OTOGL: variants seen among roughly 807,000 people sequenced by gnomAD.
OTOGL encodes the protein otogelin like.
Under a neutral mutation model 318.5 loss-of-function variants are expected in OTOGL, and 285 were observed. That is an observed-to-expected ratio of 0.89 (90% CI 0.81 to 0.99). The LOEUF (loss-of-function observed/expected upper bound fraction) is 0.99, where lower values mean the gene tolerates loss of function less well. Ranked by LOEUF, OTOGL falls within the 50% of genes least tolerant of loss-of-function variation. The pLI is 0.00. For missense variants in OTOGL, 2,899 were observed against 2,845.6 expected (o/e 1.02, Z -0.43); for synonymous variants, 987 against 936.5 (o/e 1.05, Z -0.99).
At chr12:80,358,573 A>C (rs1286772092) in intron 50 of OTOGL, 98 bp from the exon 51 acceptor site, 1 of 999,572 alleles carries the variant, frequency 1.0e-6, no homozygotes. Context: ...GGAAATATGA[A>C]TCCATGCATT....
At chr12:80,105,609 T>C (rs956777493) in intron 1 of OTOGL, among the ~76,000 whole-genome samples, 2 of 152,208 alleles carry the variant, frequency 1.3e-5, no homozygotes, top group South Asian at 2.1e-4. Context: ...TAGCCCAGTC[T>C]ATATAAATGT....
chr12:80,168,457 A>G (rs1873973650), intron 1 of OTOGL, among the ~76,000 whole-genome samples: 1 of 152,194 alleles, frequency 6.6e-6, no homozygotes, highest in Non-Finnish European at 1.5e-5. Flanking sequence ...GGGGGATCAC[A>G]GAATAACCAT....
chr12:80,367,878 A>G lies in OTOGL; in HGVS notation c.6510+139A>G, dbSNP rs77941364. On this transcript the variant is annotated intron_variant, in intron 54 of 58. Coordinates refer to ENST00000547103, the MANE Select transcript of OTOGL (RefSeq NM_001378609.3). The stretch of plus-strand genomic sequence containing the variant: ...CTTCAATAGTCTACTATTTTGTAAT[A>G]TATCAATAAAACACAGACTTTCACT... 916 of 635,288 alleles carry G rather than the reference A, an allele frequency of 1.4e-3. 6 individuals carry two copies. The African/African-American group carries it at 0.016, about 11-fold the overall frequency. The allele number at this position is 635,288 out of a possible 1,614,324, so 39.4% of individuals were successfully genotyped here.
chr12:80,210,844 C>A lies in OTOGL; in HGVS notation c.80-3C>A, dbSNP rs1877192552. 6.9e-6 allele frequency: 10 copies of A among 1,454,228 alleles called. No individual in the cohort carries two copies. The highest frequency in any genetic ancestry group is 8.2e-6 in the Non-Finnish European group (9 of 1,093,926). The allele number at this position is 1,454,228 out of a possible 1,614,324, so 90.1% of individuals were successfully genotyped here. ...TTCATTCTTATATATTTGTCTCTGGCAGAATATATTTGTGCATCGTCTATA... is the reference window on the plus strand; with the variant it reads ...TTCATTCTTATATATTTGTCTCTGGAAGAATATATTTGTGCATCGTCTATA... On this transcript the variant is annotated splice_polypyrimidine_tract_variant and splice_region_variant and intron_variant, in intron 2 of 58. Transcript: ENST00000547103.
intron 6 of OTOGL, among the ~76,000 whole-genome samples, chr12:80,220,254 A>C (rs920528752): frequency 6.6e-6 from 1 of 151,936 alleles, no homozygotes; most frequent in Admixed American, 6.6e-5. Context: ...CTGCCTCCCA[A>C]CCTCAAGCGA....
intron 1 of OTOGL, among the ~76,000 whole-genome samples, chr12:80,177,868 A>G (rs1243766858): frequency 1.3e-5 from 2 of 152,034 alleles, no homozygotes; most frequent in Non-Finnish European, 2.9e-5. Context: ...GTCTAGGGCT[A>G]ATTTTCTCCA....
intron 1 of OTOGL, among the ~76,000 whole-genome samples, chr12:80,107,016 T>G (rs1592456510): frequency 6.6e-6 from 1 of 152,156 alleles, no homozygotes; most frequent in Non-Finnish European, 1.5e-5. Flanking sequence ...TTATAAATTT[T>G]ATAGTAATTT....
intron 11 of OTOGL, among the ~76,000 whole-genome samples, chr12:80,242,040 ACCT>A (rs1034172050): frequency 3.3e-5 from 5 of 152,114 alleles, no homozygotes; most frequent in African/African-American, 9.7e-5. Flanking sequence ...ACATGGCCAC[ACCT>A]AGGTGCAAGA....
At chr12:80,370,245 G>A (rs1165686849) in intron 55 of OTOGL, among the ~76,000 whole-genome samples, 6 of 151,924 alleles carry the variant, frequency 3.9e-5, no homozygotes, top group African/African-American at 1.4e-4. Flanking sequence ...AGATAATTTT[G>A]TAGTAGAAAC....
intron 1 of OTOGL, among the ~76,000 whole-genome samples, chr12:80,186,048 G>T (rs1282550656): frequency 5.3e-5 from 1 of 18,886 alleles, no homozygotes; most frequent in East Asian, 0.062. Flanking sequence ...AGCATTTAGG[G>T]CTTCTTTTCC....
chr12:80,360,641 C>T (rs7955855), intron 52 of OTOGL, among the ~76,000 whole-genome samples: 14,666 of 151,630 alleles, frequency 0.097, 1,450 homozygotes, highest in African/African-American at 0.25. Context: ...GCCACCACGC[C>T]CAGCTAATTT....
chr12:80,321,219 G>C (rs1040514849), intron 34 of OTOGL, among the ~76,000 whole-genome samples: 1 of 152,210 alleles, frequency 6.6e-6, no homozygotes, highest in Non-Finnish European at 1.5e-5. Flanking sequence ...GAGCCTTTGA[G>C]GTCTATAGCT....
chr12:80,229,157 G>A, intron 7 of OTOGL, 100 bp from the exon 8 acceptor site: 1 of 1,325,096 alleles, frequency 7.5e-7, no homozygotes. Flanking sequence ...AAGTGTCATG[G>A]GACTAATGAA....
chr12:80,304,084 T>C (rs1565968256), intron 28 of OTOGL, among the ~76,000 whole-genome samples: 1 of 152,236 alleles, frequency 6.6e-6, no homozygotes, highest in South Asian at 2.1e-4. Context: ...TTGTACAATC[T>C]GTAGTCTTTT....
rs940289854 is a variant in OTOGL at position 80,253,626 on chromosome 12, A to G, written c.1394+52A>G. 6 of 1,406,698 alleles carry G rather than the reference A, an allele frequency of 4.3e-6. No individual in the cohort carries two copies. The African/African-American group carries it at 5.7e-5, about 13-fold the overall frequency. The allele number at this position is 1,406,698 out of a possible 1,614,324, so 87.1% of individuals were successfully genotyped here. A position where few individuals can be genotyped will look rare whatever the true frequency, so the allele number is the denominator to read the frequency against. On this transcript the variant is annotated intron_variant, in intron 14 of 58. Coordinates refer to ENST00000547103, the MANE Select transcript of OTOGL (RefSeq NM_001378609.3). The stretch of plus-strand genomic sequence containing the variant: ...TTTCTGGGTACTTGGCTAGTTGACA[A>G]CTTTACCATGACAGATGTTTAAAGG...
intron 1 of OTOGL, among the ~76,000 whole-genome samples, chr12:80,176,934 C>T (rs1874569504): frequency 1.3e-5 from 2 of 151,930 alleles, no homozygotes; most frequent in South Asian, 4.1e-4. Context: ...GATTTTAACC[C>T]ATATTTTTCT....
Position 80,366,618 on chromosome 12 carries a change from A to T in OTOGL, c.6312A>T (p.Gly2104=), listed in dbSNP as rs1311800519. Reference sequence around the variant, plus strand: ...ACCATAACTTCCAGAGTGATTGTGGATGCATACAGTATCTCTGTGGTAACT... The same window carrying T: ...ACCATAACTTCCAGAGTGATTGTGGTTGCATACAGTATCTCTGTGGTAACT... The part of the protein sequence containing the change: ...AIDHNFQSDC[G]CIQYLCEKDD... The change falls in exon 53 of 59, where the codon GGA becomes GGT. Residue 2104 remains glycine, a synonymous_variant. Coordinates refer to ENST00000547103, the MANE Select transcript of OTOGL (RefSeq NM_001378609.3). 4.9e-6 allele frequency: 7 copies of T among 1,421,662 alleles called. No homozygotes were observed. Among genetic ancestry groups the T allele is most frequent in the Non-Finnish European group, 6.5e-6 (7 of 1,081,082 alleles). 88.1% of individuals were successfully genotyped at this position (1,421,662 alleles called of 1,614,324 possible). A position where few individuals can be genotyped will look rare whatever the true frequency, so the allele number is the denominator to read the frequency against.
rs1263743190 is a variant in OTOGL, at chr12:80,336,992, G to T, written c.4848G>T (p.Arg1616=). ...TTPIHKIIVN[R]LARKVEVDSI... Reference sequence around the variant, plus strand: ...CCATACATAAAATAATTGTCAATCGGTTGGCAAGAAAGGTAAGAATACAAA... The same window carrying T: ...CCATACATAAAATAATTGTCAATCGTTTGGCAAGAAAGGTAAGAATACAAA... The change falls in exon 42 of 59, where the codon CGG becomes CGT. Residue 1616 remains arginine (R), a synonymous_variant. Coordinates refer to ENST00000547103, the MANE Select transcript of OTOGL (RefSeq NM_001378609.3). 4.3e-5 allele frequency: 68 copies of T among 1,579,274 alleles called. No individual in the cohort carries two copies. Among genetic ancestry groups the T allele is most frequent in the Non-Finnish European group, 5.7e-5 (66 of 1,159,884 alleles).
intron 1 of OTOGL, among the ~76,000 whole-genome samples, chr12:80,112,418 A>G (rs765541569): frequency 5.9e-5 from 9 of 152,198 alleles, no homozygotes; most frequent in Non-Finnish European, 1.0e-4. Context: ...GATGTCTTCC[A>G]TCAATAGCTA....
Sources: gnomAD v4.1 joint callset for allele counts (sites outside exome capture counted in the v4.1 genomes callset) on GRCh38, gnomAD v4.1.1 for gene constraint, MANE v1.5 for transcripts, NCBI Gene and HGNC (gene_info 2026-07-23, HGNC 2026-07-21) for gene names.